The following PDE4D variants were observed in gnomAD, a reference collection of about 807,000 sequenced individuals.
PDE4D encodes phosphodiesterase 4D, also known as 3',5'-cyclic-AMP phosphodiesterase 4D.
In PDE4D, 24 loss-of-function variants were observed where a neutral mutation model predicts 87.4. The observed-to-expected ratio is 0.27, with a 90% CI of 0.20 to 0.39. The LOEUF is 0.39. Ranked by LOEUF, PDE4D falls within the 10% of genes least tolerant of loss-of-function variation. The pLI, the probability that PDE4D is intolerant of heterozygous loss-of-function variation, is 1.00. For synonymous variants in PDE4D, 384 were observed against 383.2 expected, an observed-to-expected ratio of 1.00 and a Z score of -0.02; for missense variants, 714 against 1,041.0, an observed-to-expected ratio of 0.69 and a Z score of 4.32.
At chr5:59,390,154 A>G (rs549537079) in intron 1 of PDE4D, among the ~76,000 whole-genome samples, 11 of 152,202 alleles carry the variant, frequency 7.2e-5, no homozygotes, top group Admixed American at 3.9e-4. Context: ...TACAGTAAAA[A>G]GGAGATTTGA....
At chr5:59,975,101 A>T (rs184428030) in intron 3 of PDE4D, among the ~76,000 whole-genome samples, 1 of 152,268 alleles carries the variant, frequency 6.6e-6, no homozygotes, top group Admixed American at 6.5e-5. Flanking sequence ...CTCGTTTGAC[A>T]TCTATGCCAA....
rs550870873 is a variant in PDE4D, at chr5:59,262,192, A to C, written c.456-46224T>G. Among the ~76,000 whole-genome samples, 103 of 152,064 alleles carry C rather than the reference A, an allele frequency of 6.8e-4. 2 individuals are homozygous for C. The highest frequency in any genetic ancestry group is 2.4e-3 in the African/African-American group (99 of 41,534). On this transcript the variant is annotated intron_variant, in intron 1 of 14. Transcript: ENST00000340635. Reference sequence around the variant, plus strand: ...TATGAAGCCGAGTGCTGTATATTTCACCATTGTCTCTCTAACAGCCAGCAG... The same window carrying C: ...TATGAAGCCGAGTGCTGTATATTTCCCCATTGTCTCTCTAACAGCCAGCAG...
At chr5:59,232,595 A>G (rs1474128042) in intron 1 of PDE4D, among the ~76,000 whole-genome samples, 2 of 151,904 alleles carry the variant, frequency 1.3e-5, no homozygotes, top group East Asian at 3.9e-4. Context: ...TATGGCCATT[A>G]TGGAAAACAG....
At chr5:59,330,111 ATTAAT>A (rs1336701602) in intron 1 of PDE4D, among the ~76,000 whole-genome samples, 10 of 152,170 alleles carry the variant, frequency 6.6e-5, no homozygotes, top group Non-Finnish European at 1.3e-4. Context: ...CATCACGTTA[ATTAAT>A]GAATGATATA....
At chr5:60,022,487 G>T (rs1178227254) in intron 2 of PDE4D, 2 of 152,064 alleles carry the variant, frequency 1.3e-5, no homozygotes, top group Admixed American at 6.5e-5. Context: ...TTTTTAAAAT[G>T]TGAAAACCAA....
intron 1 of PDE4D, among the ~76,000 whole-genome samples, chr5:59,438,989 T>C (rs80356173): frequency 3.9e-5 from 6 of 152,314 alleles, no homozygotes; most frequent in South Asian, 2.1e-4. Flanking sequence ...ATCATTGTCA[T>C]TGTCAAATAT....
chr5:59,613,974 C>CT (rs1316603371), intron 1 of PDE4D, among the ~76,000 whole-genome samples: 1 of 151,894 alleles, frequency 6.6e-6, no homozygotes, highest in Non-Finnish European at 1.5e-5. Flanking sequence ...TTAAAAAAAA[C>CT]TTTTTTCTTA....
At chr5:60,158,970 T>C (rs1782241041) in intron 2 of PDE4D, among the ~76,000 whole-genome samples, 1 of 152,246 alleles carries the variant, frequency 6.6e-6, no homozygotes, top group African/African-American at 2.4e-5. Flanking sequence ...TTTAAGCTTT[T>C]TGACTTTTTG....
intron 3 of PDE4D, among the ~76,000 whole-genome samples, chr5:59,955,595 A>T (rs1758741140): frequency 6.6e-6 from 1 of 152,224 alleles, no homozygotes; most frequent in South Asian, 2.1e-4. Flanking sequence ...TCCAACCAGT[A>T]TAGCGAGGAG....
At chr5:59,428,085 T>A (rs1275585455) in intron 1 of PDE4D, among the ~76,000 whole-genome samples, 1 of 152,176 alleles carries the variant, frequency 6.6e-6, no homozygotes, top group Non-Finnish European at 1.5e-5. Context: ...TTGCTGCTCT[T>A]GAAATAAAAA....
At chr5:60,366,514 C>T (rs1166016117) in intron 1 of PDE4D, among the ~76,000 whole-genome samples, 1 of 152,124 alleles carries the variant, frequency 6.6e-6, no homozygotes, top group African/African-American at 2.4e-5. Context: ...AAGCATTTAC[C>T]AGATAACAAT....
At chr5:60,110,563 T>G in intron 2 of PDE4D, among the ~76,000 whole-genome samples, 1 of 152,070 alleles carries the variant, frequency 6.6e-6, no homozygotes, top group Non-Finnish European at 1.5e-5. Context: ...CAAATGTAAA[T>G]TAGTATAGCC....
intron 1 of PDE4D, among the ~76,000 whole-genome samples, chr5:60,218,011 T>C (rs1396194940): frequency 2.0e-5 from 3 of 152,028 alleles, no homozygotes; most frequent in Non-Finnish European, 2.9e-5. Flanking sequence ...AGCTGAATTA[T>C]GTCTACCCTA....
chr5:60,395,347 G>T, intron 1 of PDE4D, among the ~76,000 whole-genome samples: 1 of 151,652 alleles, frequency 6.6e-6, no homozygotes, highest in African/African-American at 2.4e-5. Context: ...TATTTAAGAT[G>T]GCCCATTCAA....
chr5:60,510,155 A>C (rs1750508134), intron 1 of PDE4D, among the ~76,000 whole-genome samples: 1 of 152,194 alleles, frequency 6.6e-6, no homozygotes, highest in Non-Finnish European at 1.5e-5. Context: ...AAAAGAGTGG[A>C]GTAAGAGAGC....
chr5:60,239,604 C>A (rs1168032621), intron 1 of PDE4D, among the ~76,000 whole-genome samples: 1 of 152,058 alleles, frequency 6.6e-6, no homozygotes, highest in Admixed American at 6.6e-5. Context: ...TTCTTTGTGT[C>A]TTACCTTAAA....
intron 5 of PDE4D, among the ~76,000 whole-genome samples, chr5:59,129,597 G>T (rs969863301): frequency 6.6e-6 from 1 of 152,022 alleles, no homozygotes; most frequent in African/African-American, 2.4e-5. Flanking sequence ...GTTAATATTC[G>T]ATTATATAAA....
At chr5:60,233,806 C>T (rs971369504) in intron 1 of PDE4D, among the ~76,000 whole-genome samples, 1 of 151,832 alleles carries the variant, frequency 6.6e-6, no homozygotes, top group East Asian at 1.9e-4. Flanking sequence ...GGTGAGGAAA[C>T]TGAGACACAG....
At chr5:60,230,658 A>T (rs1480810046) in intron 1 of PDE4D, among the ~76,000 whole-genome samples, 1 of 152,134 alleles carries the variant, frequency 6.6e-6, no homozygotes, top group Non-Finnish European at 1.5e-5. Context: ...ATGATCTTTG[A>T]CACAATGATG....
Sources: allele counts gnomAD v4.1 joint callset (sites outside exome capture counted in the v4.1 genomes callset), GRCh38; gene constraint gnomAD v4.1.1; transcripts MANE v1.5; gene names NCBI Gene and HGNC (gene_info 2026-07-23, HGNC 2026-07-21).